The following MACROD2 variants were observed in gnomAD, a reference collection of about 807,000 sequenced individuals.
MACROD2 encodes the protein mono-ADP ribosylhydrolase 2.
Under a neutral mutation model 70.4 loss-of-function variants are expected in MACROD2, and 36 were observed. The observed-to-expected ratio is 0.51, with a 90% CI of 0.39 to 0.68. The LOEUF (loss-of-function observed/expected upper bound fraction) is 0.68, where lower values mean the gene tolerates loss of function less well. MACROD2 is among the 30% of genes least tolerant of loss of function. MACROD2 has a pLI of 0.00. For synonymous variants in MACROD2, 172 were observed against 178.8 expected, an observed-to-expected ratio of 0.96 and a Z score of 0.30; for missense variants, 496 against 538.4, an observed-to-expected ratio of 0.92 and a Z score of 0.78.
At chr20:15,313,029 A>G (rs1319524014) in intron 6 of MACROD2, among the ~76,000 whole-genome samples, 1 of 152,140 alleles carries the variant, frequency 6.6e-6, no homozygotes, top group Non-Finnish European at 1.5e-5. Context: ...TTATATATTT[A>G]TATGTTTGCA....
chr20:15,290,336 T>G (rs1381204220), intron 6 of MACROD2, among the ~76,000 whole-genome samples: 6 of 152,164 alleles, frequency 3.9e-5, no homozygotes, highest in African/African-American at 1.4e-4. Context: ...TTTACCAGCC[T>G]CACTTTCTAT....
intron 4 of MACROD2, among the ~76,000 whole-genome samples, chr20:14,506,819 C>T (rs920193093): frequency 6.6e-6 from 1 of 152,216 alleles, no homozygotes; most frequent in Non-Finnish European, 1.5e-5. Flanking sequence ...GACGTGGTGG[C>T]ACGTGCCTGC....
At chr20:14,137,162 G>C (rs1201287475) in intron 3 of MACROD2, among the ~76,000 whole-genome samples, 1 of 152,162 alleles carries the variant, frequency 6.6e-6, no homozygotes, top group East Asian at 1.9e-4. Flanking sequence ...TTGGCTCTTT[G>C]AAAATTTAAC....
chr20:15,504,380 A>G (rs1311215413), intron 8 of MACROD2, among the ~76,000 whole-genome samples: 5 of 152,180 alleles, frequency 3.3e-5, no homozygotes, highest in Admixed American at 2.6e-4. Flanking sequence ...AAAAGAAAAG[A>G]AAAAAAGGAG....
chr20:14,020,423 A>G (rs138212533), intron 2 of MACROD2, among the ~76,000 whole-genome samples: 2,313 of 152,272 alleles, frequency 0.015, 33 homozygotes, highest in Middle Eastern at 0.054. Context: ...CAGTGAGCCG[A>G]GATCGCACCC....
chr20:15,343,178 C>T (rs1489160260), intron 6 of MACROD2, among the ~76,000 whole-genome samples: 1 of 152,206 alleles, frequency 6.6e-6, no homozygotes, highest in Non-Finnish European at 1.5e-5. Context: ...TGAATTAGGG[C>T]CATGAATCTG....
intron 5 of MACROD2, among the ~76,000 whole-genome samples, chr20:15,145,118 C>G (rs2076221037): frequency 6.6e-6 from 1 of 152,078 alleles, no homozygotes; most frequent in South Asian, 2.1e-4. Context: ...AGAAAACATA[C>G]CCCGGGGTGA....
At chr20:14,090,356 T>C (rs2423776) in intron 3 of MACROD2, among the ~76,000 whole-genome samples, 151,098 of 152,088 alleles carry the variant, frequency 0.99, 75,067 homozygotes, top group South Asian at 1. Flanking sequence ...GGGTGGATCA[T>C]GAGGTCAGGA....
chr20:14,653,061 G>A (rs1048325073), intron 4 of MACROD2, among the ~76,000 whole-genome samples: 1 of 152,100 alleles, frequency 6.6e-6, no homozygotes, highest in Admixed American at 6.5e-5. Context: ...CTCATGAAAT[G>A]AGGGCCATAT....
intron 8 of MACROD2, among the ~76,000 whole-genome samples, chr20:15,821,410 T>A (rs1219227981): frequency 1.3e-5 from 2 of 152,060 alleles, no homozygotes; most frequent in Admixed American, 1.3e-4. Context: ...AAATTTAGTT[T>A]TGAAGACAAG....
At chr20:15,853,246 C>T (rs1246758694) in intron 8 of MACROD2, among the ~76,000 whole-genome samples, 9 of 152,084 alleles carry the variant, frequency 5.9e-5, no homozygotes. Context: ...GTTTATGGAG[C>T]ATTTACTCTA....
chr20:14,161,520 A>G (rs1224080177), intron 3 of MACROD2, among the ~76,000 whole-genome samples: 1 of 149,646 alleles, frequency 6.7e-6, no homozygotes, highest in Non-Finnish European at 1.5e-5. Context: ...ACAGTATTAC[A>G]TGATGTGTAG....
At chr20:15,141,322 T>G (rs2076190620) in intron 5 of MACROD2, among the ~76,000 whole-genome samples, 1 of 152,062 alleles carries the variant, frequency 6.6e-6, no homozygotes, top group Non-Finnish European at 1.5e-5. Flanking sequence ...GCATAAGGAG[T>G]GCATATAGTT....
chr20:16,008,648 G>T (rs2066821253), intron 15 of MACROD2, among the ~76,000 whole-genome samples: 1 of 152,186 alleles, frequency 6.6e-6, no homozygotes, highest in Non-Finnish European at 1.5e-5. Flanking sequence ...TGTTTATAGG[G>T]ATGATATGAT....
intron 5 of MACROD2, among the ~76,000 whole-genome samples, chr20:14,859,593 A>T (rs2073292891): frequency 6.6e-6 from 1 of 152,132 alleles, no homozygotes; most frequent in South Asian, 2.1e-4. Flanking sequence ...CTATTAAACC[A>T]TTGGAATGGT....
At chr20:14,730,602 C>A (rs1271776964) in intron 5 of MACROD2, among the ~76,000 whole-genome samples, 4 of 152,110 alleles carry the variant, frequency 2.6e-5, no homozygotes, top group East Asian at 3.9e-4. Context: ...TAGCAACAGA[C>A]CCTTCCAGAA....
At chr20:14,261,884 T>G (rs1173870277) in intron 3 of MACROD2, among the ~76,000 whole-genome samples, 3 of 152,124 alleles carry the variant, frequency 2.0e-5, no homozygotes, top group Non-Finnish European at 2.9e-5. Context: ...AAACGTGATT[T>G]TTTTTTTCCT....
intron 5 of MACROD2, among the ~76,000 whole-genome samples, chr20:15,007,391 A>G (rs1378950491): frequency 1.3e-5 from 2 of 151,148 alleles, no homozygotes; most frequent in Non-Finnish European, 2.9e-5. Flanking sequence ...AAAAAAAAAC[A>G]CAAAAAAGCC....
chr20:14,337,861 A>G (rs930475639), intron 3 of MACROD2, among the ~76,000 whole-genome samples: 1 of 152,214 alleles, frequency 6.6e-6, no homozygotes, highest in Non-Finnish European at 1.5e-5. Flanking sequence ...AAAGTTTACT[A>G]CAAGGCAGTG....
Sources: allele counts gnomAD v4.1 joint callset (sites outside exome capture counted in the v4.1 genomes callset), GRCh38; gene constraint gnomAD v4.1.1; transcripts MANE v1.5; gene names NCBI Gene and HGNC (gene_info 2026-07-23, HGNC 2026-07-21).